DACH1: variants seen among roughly 807,000 people sequenced by gnomAD.
DACH1 encodes dachshund homolog 1.
A neutral mutation model predicts 54.2 loss-of-function variants in DACH1; 12 were observed. That is an observed-to-expected ratio of 0.22 (90% CI 0.14 to 0.36). The LOEUF (loss-of-function observed/expected upper bound fraction) is 0.36, where lower values mean the gene tolerates loss of function less well. Among genes scored for constraint, DACH1 ranks in the 10% least tolerant of loss-of-function variants. The pLI is 1.00. For missense variants in DACH1, 805 were observed against 929.8 expected (o/e 0.87, Z 1.75); for synonymous variants, 386 against 366.2 (o/e 1.05, Z -0.62).
At chr13:71,612,256 T>G (rs978937730) in intron 3 of DACH1, among the ~76,000 whole-genome samples, 2 of 152,180 alleles carry the variant, frequency 1.3e-5, no homozygotes, top group Admixed American at 1.3e-4. Flanking sequence ...ATATGGAGGT[T>G]AATTTGAGTG....
intron 1 of DACH1, among the ~76,000 whole-genome samples, chr13:71,860,542 G>C (rs1406898343): frequency 6.7e-6 from 1 of 149,238 alleles, no homozygotes; most frequent in Non-Finnish European, 1.5e-5. Context: ...AAAGAACCAA[G>C]TAACAAAAAC....
At chr13:71,625,775 T>C (rs1391056220) in intron 3 of DACH1, among the ~76,000 whole-genome samples, 2 of 152,006 alleles carry the variant, frequency 1.3e-5, no homozygotes, top group Non-Finnish European at 1.5e-5. Flanking sequence ...TGTTCCACAA[T>C]GTTCAGAAAG....
chr13:71,711,502 A>C (rs1195144801), intron 1 of DACH1, among the ~76,000 whole-genome samples: 1 of 152,164 alleles, frequency 6.6e-6, no homozygotes, highest in East Asian at 1.9e-4. Flanking sequence ...TTACTCAAGC[A>C]GTCCTTTTTA....
chr13:71,730,331 G>A (rs879350122), intron 1 of DACH1, among the ~76,000 whole-genome samples: 6 of 152,070 alleles, frequency 3.9e-5, no homozygotes, highest in African/African-American at 7.2e-5. Flanking sequence ...TTCTCCAAGA[G>A]GAATCAAGTA....
intron 2 of DACH1, among the ~76,000 whole-genome samples, chr13:71,671,222 T>G (rs1880186424): frequency 6.6e-6 from 1 of 151,904 alleles, no homozygotes; most frequent in African/African-American, 2.4e-5. Flanking sequence ...TATGGAACCC[T>G]TTAGGGTTTC....
chr13:71,548,455 C>T (rs1274729874), intron 6 of DACH1, among the ~76,000 whole-genome samples: 5 of 152,088 alleles, frequency 3.3e-5, no homozygotes, highest in Non-Finnish European at 7.4e-5. Context: ...GAACTTTTAA[C>T]AGTCATTTTT....
chr13:71,710,942 G>A (rs545014404), intron 1 of DACH1, among the ~76,000 whole-genome samples: 6 of 152,240 alleles, frequency 3.9e-5, no homozygotes, highest in Admixed American at 3.9e-4. Flanking sequence ...TCATATTACA[G>A]CTGTTTAGTT....
intron 3 of DACH1, among the ~76,000 whole-genome samples, chr13:71,591,765 G>C (rs1383160453): frequency 6.6e-6 from 1 of 152,130 alleles, no homozygotes; most frequent in Non-Finnish European, 1.5e-5. Context: ...TGTAGTATCT[G>C]ATGACATTTT....
intron 1 of DACH1, among the ~76,000 whole-genome samples, chr13:71,732,071 C>T (rs73215232): frequency 0.027 from 4,091 of 152,258 alleles, 84 homozygotes; most frequent in Non-Finnish European, 0.042. Flanking sequence ...TTTGATCTAT[C>T]ATTCCAGCCT....
chr13:71,456,775 C>A (rs998708465), intron 10 of DACH1, among the ~76,000 whole-genome samples: 1 of 152,014 alleles, frequency 6.6e-6, no homozygotes, highest in East Asian at 1.9e-4. Flanking sequence ...GGATAATAAA[C>A]GTTGGCTGTT....
chr13:71,789,156 C>T (rs979642422), intron 1 of DACH1, among the ~76,000 whole-genome samples: 2 of 152,014 alleles, frequency 1.3e-5, no homozygotes, highest in Admixed American at 6.6e-5. Flanking sequence ...ACATTTAACT[C>T]AAAAGTTATT....
At chr13:71,831,651 GCTACAT>G (rs1369454494) in intron 1 of DACH1, among the ~76,000 whole-genome samples, 3 of 151,866 alleles carry the variant, frequency 2.0e-5, no homozygotes, top group Non-Finnish European at 4.4e-5. Flanking sequence ...CTACCACCAT[GCTACAT>G]ACTGGGATTG....
chr13:71,796,990 G>GT (rs1010090757), intron 1 of DACH1, among the ~76,000 whole-genome samples: 3 of 148,988 alleles, frequency 2.0e-5, no homozygotes, highest in Admixed American at 6.7e-5. Context: ...TCTTTGTTTT[G>GT]TTTTTTTTCA....
At chr13:71,553,122 TA>T (rs1883996206) in intron 6 of DACH1, among the ~76,000 whole-genome samples, 1 of 136,980 alleles carries the variant, frequency 7.3e-6, no homozygotes, top group South Asian at 2.4e-4. Flanking sequence ...CATATATCCA[TA>T]TATGTATATT....
chr13:71,698,435 C>T (rs1328579382), intron 1 of DACH1, among the ~76,000 whole-genome samples: 3 of 151,880 alleles, frequency 2.0e-5, no homozygotes, highest in Admixed American at 6.6e-5. Flanking sequence ...TCTCAAAGAA[C>T]GTTTAGTCCT....
intron 1 of DACH1, among the ~76,000 whole-genome samples, chr13:71,730,843 T>C (rs930580946): frequency 6.6e-6 from 1 of 152,240 alleles, no homozygotes; most frequent in African/African-American, 2.4e-5. Context: ...AATCAGTATT[T>C]TTTTTTTGAA....
chr13:71,592,494 C>CAAAAAAAAAAAAA (rs575364116), intron 3 of DACH1, among the ~76,000 whole-genome samples: 268 of 31,738 alleles, frequency 8.4e-3, no homozygotes, highest in Non-Finnish European at 0.011. Flanking sequence ...GACTCTATCT[C>CAAAAAAAAAAAAA]AAAAAAAAAA....
rs17088347 is a variant in DACH1 at position 71,618,515 on chromosome 13, T to C, written c.1126+12041A>G. 1.1e-3 allele frequency among the ~76,000 whole-genome samples: 173 copies of C among 152,166 alleles called. 2 individuals carry two copies. Among genetic ancestry groups the C allele is most frequent in the African/African-American group, 4.0e-3 (165 of 41,560 alleles). ...GTATTACTTTTTTCCTTGTTGTGCA[T>C]CAATGGCAATATTTCAAAACCTGCA... On this transcript the variant is annotated intron_variant, in intron 3 of 10. Coordinates refer to ENST00000613252, the MANE Select transcript of DACH1 (RefSeq NM_080759.6).
At chr13:71,840,368 T>C (rs1409068392) in intron 1 of DACH1, among the ~76,000 whole-genome samples, 1 of 152,116 alleles carries the variant, frequency 6.6e-6, no homozygotes, top group East Asian at 1.9e-4. Flanking sequence ...AATCTTCCAA[T>C]GGAAAAAAAA....
Sources: gnomAD v4.1 joint callset for allele counts (sites outside exome capture counted in the v4.1 genomes callset) on GRCh38, gnomAD v4.1.1 for gene constraint, MANE v1.5 for transcripts, NCBI Gene and HGNC (gene_info 2026-07-23, HGNC 2026-07-21) for gene names.